The following KRT40 variants were observed in gnomAD, a reference collection of about 807,000 sequenced individuals.
KRT40 encodes keratin, type I cytoskeletal 40.
Under a neutral mutation model 43.5 loss-of-function variants are expected in KRT40, and 47 were observed. That is an observed-to-expected ratio of 1.08 (90% CI 0.86 to 1.38). The LOEUF (loss-of-function observed/expected upper bound fraction) is 1.38, where lower values mean the gene tolerates loss of function less well. Among genes scored for constraint, KRT40 ranks in the 40% most tolerant of loss-of-function variants. KRT40 has a pLI of 0.00. For synonymous variants in KRT40, 212 were observed against 214.0 expected (o/e 0.99, Z 0.08); for missense variants, 573 against 523.6 (o/e 1.09, Z -0.92).
Position 40,978,833 on chromosome 17 carries a change from G to C in KRT40, c.1167C>G (p.Tyr389Ter). The C allele has an allele frequency of 1.2e-6, 2 of 1,612,894 alleles. No homozygotes were observed. Among genetic ancestry groups the C allele is most frequent in the Non-Finnish European group, 1.7e-6 (2 of 1,179,992 alleles). Reference protein sequence around the residue: ...KARLEGEINTYWGLLDSEDSR... With the variant: ...KARLEGEINT ...TGTCCTCGCTGTCCAGCAGGCCCCA[G>C]TACGTGTTGATCTCACCCTCCAGCC... The change falls in exon 6 of 7, where the codon TAC becomes TAG. Residue 389 changes from tyrosine (Y) to a stop codon, truncating the protein, a stop_gained. Coordinates refer to ENST00000377755, the MANE Select transcript of KRT40 (RefSeq NM_001389244.1). LOFTEE classifies it low-confidence loss of function (END_TRUNC).
In KRT40 at chr17:40,984,003, C is replaced by T; in HGVS notation, c.271G>A (p.Glu91Lys). The change falls in exon 1 of 7, where the codon GAG becomes AAG. Residue 91 changes from glutamate to lysine, a missense_variant. Physicochemically the swap from Glu to Lys is moderately conservative, Grantham distance 56. Coordinates refer to ENST00000377755, the MANE Select transcript of KRT40 (RefSeq NM_001389244.1). ...EDGVFTSNEK[E>K]TMQFLNDRLA... Reference sequence around the variant, plus strand: ...CTGTCATTCAGGAACTGCATCGTCTCCTTCTCATTGCTAGTGAACACCCCA... The same window carrying T: ...CTGTCATTCAGGAACTGCATCGTCTTCTTCTCATTGCTAGTGAACACCCCA... 4 of 1,614,158 alleles carry T rather than the reference C, an allele frequency of 2.5e-6. No individual in the cohort carries two copies. Among genetic ancestry groups the T allele is most frequent in the Non-Finnish European group, 3.4e-6 (4 of 1,180,040 alleles).
Position 40,979,157 on chromosome 17 carries a change from G to GT in KRT40, c.976-134dup, listed in dbSNP as rs887947417. 5 of 660,080 alleles carry GT rather than the reference G, an allele frequency of 7.6e-6. No homozygotes were observed. The Admixed American group carries it at 8.3e-5, about 11-fold the overall frequency. The allele number at this position is 660,080 out of a possible 1,614,324, so 40.9% of individuals were successfully genotyped here. ...AATTATTTAGCTTCTGTGAGTCTCA[G>GT]TTTTATTCTCTGTATAGTGGAGAAT... On this transcript the variant is annotated intron_variant, in intron 5 of 6. Transcript: ENST00000377755.
chr17:40,981,837 G>A, intron 3 of KRT40, among the ~76,000 whole-genome samples: 1 of 151,990 alleles, frequency 6.6e-6, no homozygotes, highest in South Asian at 2.1e-4. Context: ...GGAATGATCA[G>A]GTTGAATAGT....
At chr17:40,979,090 C>G in intron 5 of KRT40, 66 bp from the exon 6 acceptor site, 2 of 1,243,978 alleles carry the variant, frequency 1.6e-6, no homozygotes, top group Non-Finnish European at 1.2e-6. Flanking sequence ...TGCCTACTTT[C>G]AAATTCCTGC....
Position 40,979,008 on chromosome 17 carries a change from C to A in KRT40, c.992G>T (p.Cys331Phe), listed in dbSNP as rs373507670. ...AQQSLTESLE[C>F]TVAETEAQYS... ...CTGGGCCTCGGTTTCTGCCACGGTG[C>A]ATTCCAGAGATTCTGTCTGCGGGAG... The change falls in exon 6 of 7, where the codon TGC becomes TTC. Residue 331 changes from cysteine (C) to phenylalanine (F), a missense_variant. Cys to Phe is a radical substitution (Grantham distance 205, BLOSUM62 -2). Transcript: ENST00000377755. The A allele has an allele frequency of 2.5e-6, 4 of 1,613,560 alleles. No individual in the cohort carries two copies. The highest frequency in any genetic ancestry group is 2.5e-6 in the Non-Finnish European group (3 of 1,179,544).
upstream of KRT40, chr17:40,987,096 G>A (rs998435583): frequency 6.6e-6 from 1 of 152,224 alleles, no homozygotes; most frequent in African/African-American, 2.4e-5. Flanking sequence ...GTGGAGATGT[G>A]GCTCCTCCCA....
chr17:40,984,190 G>A lies in KRT40; in HGVS notation c.84C>T (p.Ser28=), dbSNP rs373307099. Reference sequence around the variant, plus strand: ...TACCGGGGAGACAAGCTGTTTCCACGGAGCAGCTTGAGGCAGGTGCACAAC... The same window carrying A: ...TACCGGGGAGACAAGCTGTTTCCACAGAGCAGCTTGAGGCAGGTGCACAAC... The part of the protein sequence containing the change: ...ASGCAPASSC[S]VETACLPGTC... The change falls in exon 1 of 7, where the codon TCC becomes TCT. Residue 28 remains serine (S), a synonymous_variant. Coordinates refer to ENST00000377755, the MANE Select transcript of KRT40 (RefSeq NM_001389244.1). 1.9e-6 allele frequency: 3 copies of A among 1,613,914 alleles called. No homozygotes were observed. Among genetic ancestry groups the A allele is most frequent in the African/African-American group, 1.3e-5 (1 of 74,890 alleles).
chr17:40,986,732 T>TA (rs5820387), upstream of KRT40, among the ~76,000 whole-genome samples: 39,693 of 146,588 alleles, frequency 0.27, 5,816 homozygotes, highest in African/African-American at 0.42. Flanking sequence ...AAGGCCATGA[T>TA]AAAAAAAAAA....
chr17:40,982,499 G>C (rs1156573838), intron 2 of KRT40, 36 bp from the exon 3 acceptor site: 1 of 1,496,730 alleles, frequency 6.7e-7, no homozygotes, highest in Admixed American at 2.2e-5. Flanking sequence ...CGCTTACTTT[G>C]CTGAACGCTG....
intron 2 of KRT40, 53 bp from the exon 3 acceptor site, chr17:40,982,516 G>T (rs1912227164): frequency 2.8e-6 from 4 of 1,425,108 alleles, no homozygotes; most frequent in Non-Finnish European, 3.7e-6. Context: ...GCTGTGCAAA[G>T]TGTGGGGATA....
chr17:40,986,633 GT>G (rs1339365025), upstream of KRT40, among the ~76,000 whole-genome samples: 1 of 151,510 alleles, frequency 6.6e-6, no homozygotes, highest in African/African-American at 2.4e-5. Context: ...GCCCCAGATA[GT>G]TGCTAATCAC....
rs759859787 is a variant in KRT40 at position 40,982,381 on chromosome 17, A to C, written c.613T>G (p.Cys205Gly). The change falls in exon 3 of 7, where the codon TGC becomes GGC. Residue 205 changes from cysteine (C) to glycine (G), a missense_variant. Physicochemically the swap from Cys to Gly is radical, Grantham distance 159 (BLOSUM62 -3). Transcript: ENST00000377755. Reference protein sequence around the residue: ...LHGILEELTLCKSDLEAHVES... With the variant: ...LHGILEELTLGKSDLEAHVES... ...ACATGGGCCTCCAGATCAGATTTGCACAGGGTCAGTTCCTCCAGGATCCCA... is the reference window on the plus strand; with the variant it reads ...ACATGGGCCTCCAGATCAGATTTGCCCAGGGTCAGTTCCTCCAGGATCCCA... 2 of 1,612,182 alleles carry C rather than the reference A, an allele frequency of 1.2e-6. No homozygotes were observed. The highest frequency in any genetic ancestry group is 1.7e-5 in the Admixed American group (1 of 59,786).
At chr17:40,981,859 G>A (rs1460566778) in intron 3 of KRT40, among the ~76,000 whole-genome samples, 1 of 138,132 alleles carries the variant, frequency 7.2e-6, no homozygotes. Flanking sequence ...ATAATGCCTC[G>A]AGTAGTTTTT....
Position 40,978,911 on chromosome 17 carries a change from G to T in KRT40, c.1089C>A (p.Cys363Ter), listed in dbSNP as rs765746846. ...ACTCCTGGTTCTGTCGCTCCAGGTC[G>T]CAGCGGATCTCGGCCAGCTGGTTCT... ...NLENQLAEIR[C>*]DLERQNQEYQ... The change falls in exon 6 of 7, where the codon TGC (cysteine) becomes TGA (stop). Residue 363 changes from cysteine to a stop codon, truncating the protein, a stop_gained. Coordinates refer to ENST00000377755, the MANE Select transcript of KRT40 (RefSeq NM_001389244.1). LOFTEE classifies it high-confidence loss of function. 18 of 1,613,982 alleles carry T rather than the reference G, an allele frequency of 1.1e-5. 1 individual carries two copies. Among genetic ancestry groups the T allele is most frequent in the East Asian group, 2.2e-5 (1 of 44,878 alleles).
In KRT40 at chr17:40,982,425, G is replaced by A; in HGVS notation, c.569C>T (p.Ala190Val). 1 of 1,606,880 alleles carries A rather than the reference G, an allele frequency of 6.2e-7. No homozygotes were observed. Among genetic ancestry groups the A allele is most frequent in the Non-Finnish European group, 8.5e-7 (1 of 1,176,808 alleles). Residue 190 changes from alanine to valine, a missense_variant, in exon 3 of 7, where the codon GCT becomes GTT. Physicochemically the swap from Ala to Val is moderately conservative, Grantham distance 64 (BLOSUM62 0). Transcript: ENST00000377755. ...GATCCCATGCAGGCTGCTGATGTCA[G>A]CCTCTAACAGCTGGCGAAGGGACAG... ...SELSLRQLLE[A>V]DISSLHGILE...
At chr17:40,981,236 TG>T in intron 3 of KRT40, 85 bp from the exon 4 acceptor site, 1 of 1,602,994 alleles carries the variant, frequency 6.2e-7, no homozygotes, top group Non-Finnish European at 8.5e-7. Flanking sequence ...TTCTGTTTTT[TG>T]GAGCAGTGGG....
intron 5 of KRT40, 59 bp from the exon 6 acceptor site, chr17:40,979,083 C>G: frequency 7.4e-7 from 1 of 1,346,624 alleles, no homozygotes; most frequent in Non-Finnish European, 1.0e-6. Context: ...GCCAGAGTGC[C>G]TACTTTCAAA....
chr17:40,982,506 G>A (rs370587367), intron 2 of KRT40, 43 bp from the exon 3 acceptor site: 449 of 1,475,440 alleles, frequency 3.0e-4, no homozygotes, highest in Admixed American at 3.6e-4. Context: ...TTTGCTGAAC[G>A]CTGTGCAAAG....
rs758263315 is a variant in KRT40 at position 40,979,003 on chromosome 17, C to T, written c.997G>A (p.Val333Met). ...QSLTESLECT[V>M]AETEAQYSSQ... ...CTGTACTGGGCCTCGGTTTCTGCCA[C>T]GGTGCATTCCAGAGATTCTGTCTGC... Residue 333 changes from valine (V) to methionine (M), a missense_variant, in exon 6 of 7, where the codon GTG becomes ATG. Transcript: ENST00000377755. 3.5e-5 allele frequency: 57 copies of T among 1,613,676 alleles called. No individual in the cohort carries two copies. The highest frequency in any genetic ancestry group is 2.8e-4 in the Admixed American group (17 of 59,994).
Sources: gnomAD v4.1 joint callset for allele counts (sites outside exome capture counted in the v4.1 genomes callset) on GRCh38, gnomAD v4.1.1 for gene constraint, MANE v1.5 for transcripts, NCBI Gene and HGNC (gene_info 2026-07-23, HGNC 2026-07-21) for gene names.